CPQ: variants seen among roughly 807,000 people sequenced by gnomAD.
The protein encoded by CPQ is Ser-Met dipeptidase.
Under a neutral mutation model 45.7 loss-of-function variants are expected in CPQ, and 37 were observed. The ratio of observed to expected loss-of-function variants is 0.81; its 90% CI spans 0.62 to 1.07. The LOEUF is 1.07. CPQ is among the 50% of genes least tolerant of loss of function. The pLI, the probability that CPQ is intolerant of heterozygous loss-of-function variation, is 0.00. For missense variants in CPQ, 537 were observed against 572.9 expected (o/e 0.94, Z 0.64); for synonymous variants, 186 against 205.8 (o/e 0.90, Z 0.82).
At chr8:96,666,239 T>G (rs1455703600) in intron 1 of CPQ, among the ~76,000 whole-genome samples, 1 of 152,136 alleles carries the variant, frequency 6.6e-6, no homozygotes, top group Non-Finnish European at 1.5e-5. Flanking sequence ...AGGGAGGTCA[T>G]GCTGGTGGGA....
chr8:96,874,411 T>G (rs1411323583), intron 3 of CPQ, among the ~76,000 whole-genome samples: 1 of 151,764 alleles, frequency 6.6e-6, no homozygotes, highest in East Asian at 1.9e-4. Flanking sequence ...CCACAACTAA[T>G]TTTAGGACAT....
intron 5 of CPQ, among the ~76,000 whole-genome samples, chr8:96,999,941 G>A (rs1322673658): frequency 3.3e-5 from 5 of 150,342 alleles, no homozygotes; most frequent in African/African-American, 1.2e-4. Flanking sequence ...TGACTGGTGT[G>A]AGATGGTATC....
intron 1 of CPQ, among the ~76,000 whole-genome samples, chr8:96,751,192 G>A (rs1398239965): frequency 6.6e-6 from 1 of 152,110 alleles, no homozygotes; most frequent in Non-Finnish European, 1.5e-5. Flanking sequence ...TCTGCTTCTA[G>A]ATCTTTGAGG....
At chr8:96,962,327 G>T (rs569347801) in intron 4 of CPQ, among the ~76,000 whole-genome samples, 83 of 152,290 alleles carry the variant, frequency 5.5e-4, no homozygotes, top group African/African-American at 1.8e-3. Context: ...TGGAAAAGAT[G>T]ATGGTGAAAA....
intron 4 of CPQ, among the ~76,000 whole-genome samples, chr8:96,923,103 C>A (rs1362179352): frequency 3.3e-5 from 5 of 152,148 alleles, no homozygotes; most frequent in Non-Finnish European, 5.9e-5. Flanking sequence ...ATAGAGGAGT[C>A]GTAAGAGTTG....
intron 1 of CPQ, among the ~76,000 whole-genome samples, chr8:96,661,950 G>GTTACATTT (rs1815706187): frequency 1.3e-5 from 2 of 152,142 alleles, no homozygotes; most frequent in Admixed American, 1.3e-4. Flanking sequence ...ACCAGCATTT[G>GTTACATTT]GTGTTGTCAG....
chr8:96,651,892 G>A (rs12548034), intron 1 of CPQ, among the ~76,000 whole-genome samples: 88,833 of 151,874 alleles, frequency 0.58, 28,061 homozygotes, highest in Non-Finnish European at 0.71. Flanking sequence ...GTTGATATAT[G>A]TCATAATACA....
At chr8:97,043,647 G>C (rs1386065031) in intron 6 of CPQ, among the ~76,000 whole-genome samples, 1 of 152,104 alleles carries the variant, frequency 6.6e-6, no homozygotes, top group African/African-American at 2.4e-5. Flanking sequence ...TCCATGTTTA[G>C]TGCTTCCTTC....
intron 4 of CPQ, among the ~76,000 whole-genome samples, chr8:96,924,571 T>A (rs1402234018): frequency 6.6e-6 from 1 of 152,226 alleles, no homozygotes; most frequent in Non-Finnish European, 1.5e-5. Flanking sequence ...GCAGCATAAC[T>A]CTTCTAAAGG....
At chr8:97,062,994 C>T (rs1171606213) in intron 6 of CPQ, among the ~76,000 whole-genome samples, 2 of 152,242 alleles carry the variant, frequency 1.3e-5, no homozygotes, top group East Asian at 3.9e-4. Flanking sequence ...CTGGTATATA[C>T]CCAGTAATGG....
chr8:96,891,227 T>A (rs1812370808), intron 4 of CPQ, among the ~76,000 whole-genome samples: 3 of 152,174 alleles, frequency 2.0e-5, no homozygotes, highest in Admixed American at 2.0e-4. Flanking sequence ...TGGATGGTAG[T>A]CTTGGCAGAA....
chr8:96,794,652 G>C (rs1810900960), intron 2 of CPQ, among the ~76,000 whole-genome samples: 1 of 152,208 alleles, frequency 6.6e-6, no homozygotes, highest in Non-Finnish European at 1.5e-5. Context: ...TTGTCAGGCT[G>C]CAAATTTTCC....
intron 7 of CPQ, among the ~76,000 whole-genome samples, chr8:97,132,566 C>T (rs1348195386): frequency 1.3e-5 from 2 of 152,146 alleles, no homozygotes; most frequent in Non-Finnish European, 2.9e-5. Flanking sequence ...GGCTTTGTAA[C>T]CTCCTTGTGT....
intron 5 of CPQ, among the ~76,000 whole-genome samples, chr8:96,979,353 A>G (rs984556540): frequency 6.6e-6 from 1 of 152,228 alleles, no homozygotes; most frequent in African/African-American, 2.4e-5. Context: ...AAAACAGAGT[A>G]GGGAGATCCC....
At chr8:96,761,032 T>G (rs1810395303) in intron 1 of CPQ, 1 of 152,182 alleles carries the variant, frequency 6.6e-6, no homozygotes, top group Admixed American at 6.5e-5. Flanking sequence ...TGGCTGAGCA[T>G]TTTGCCTGAA....
chr8:97,102,104 C>T (rs775488399), intron 7 of CPQ, among the ~76,000 whole-genome samples: 8 of 152,084 alleles, frequency 5.3e-5, no homozygotes, highest in Non-Finnish European at 7.4e-5. Flanking sequence ...AGTCACACAT[C>T]CTGCTTCTTT....
intron 2 of CPQ, among the ~76,000 whole-genome samples, chr8:96,828,231 T>C (rs149049004): frequency 6.6e-6 from 1 of 152,108 alleles, no homozygotes; most frequent in East Asian, 1.9e-4. Context: ...TCTGACTTCC[T>C]CCAAGCTTTT....
intron 2 of CPQ, among the ~76,000 whole-genome samples, chr8:96,796,819 A>G (rs1005761008): frequency 6.6e-6 from 1 of 152,172 alleles, no homozygotes; most frequent in Admixed American, 6.5e-5. Context: ...TTTGGGAATA[A>G]TATAGGAGTG....
intron 1 of CPQ, among the ~76,000 whole-genome samples, chr8:96,737,353 G>GATATATATATATATAT (rs1277946599): frequency 4.6e-5 from 2 of 43,354 alleles, no homozygotes; most frequent in African/African-American, 1.3e-4. Context: ...GAACTAATAG[G>GATATATATATATATAT]AGATATATAT....
Sources: gnomAD v4.1 joint callset for allele counts (sites outside exome capture counted in the v4.1 genomes callset) on GRCh38, gnomAD v4.1.1 for gene constraint, MANE v1.5 for transcripts, NCBI Gene and HGNC (gene_info 2026-07-23, HGNC 2026-07-21) for gene names.